The following INCA1 variants were observed in gnomAD, a reference collection of about 807,000 sequenced individuals.
INCA1 encodes protein INCA1.
INCA1 carries 28 observed loss-of-function variants against 25.7 expected under a neutral mutation model. The observed-to-expected ratio is 1.09, with a 90% CI of 0.81 to 1.49. The LOEUF (loss-of-function observed/expected upper bound fraction) is 1.49, where lower values mean the gene tolerates loss of function less well. Ranked by LOEUF, INCA1 falls within the 40% of genes most tolerant of loss-of-function variation. The pLI, the probability that INCA1 is intolerant of heterozygous loss-of-function variation, is 0.00. For missense variants in INCA1, 309 were observed against 290.9 expected (o/e 1.06, Z -0.45); for synonymous variants, 111 against 103.6 (o/e 1.07, Z -0.43).
intron 1 of INCA1, among the ~76,000 whole-genome samples, chr17:4,996,273 A>G (rs1247401598): frequency 6.6e-6 from 1 of 151,496 alleles, no homozygotes; most frequent in African/African-American, 2.4e-5. Context: ...TGTACCCGGA[A>G]GGCTGAGGTG....
exon 7 of INCA1, chr17:4,988,369 G>A (rs922216086): frequency 6.4e-6 from 10 of 1,560,634 alleles, no homozygotes; most frequent in Non-Finnish European, 8.7e-6. Context: ...TGGGTCCCTG[G>A]GGCACCACTA....
intron 2 of INCA1, among the ~76,000 whole-genome samples, chr17:4,993,208 T>C (rs1385477606): frequency 6.6e-6 from 1 of 151,570 alleles, no homozygotes; most frequent in African/African-American, 2.4e-5. Flanking sequence ...AGACGGAGTT[T>C]CACTCTTGTT....
downstream of INCA1, chr17:4,988,199 A>C (rs759111990): frequency 2.0e-6 from 1 of 489,058 alleles, no homozygotes; most frequent in Non-Finnish European, 3.5e-6. Flanking sequence ...GGAGGAAAAC[A>C]GGACTTGGGG....
At chr17:4,989,650 G>C in intron 4 of INCA1, 26 bp from the exon 5 acceptor site, 1 of 1,609,770 alleles carries the variant, frequency 6.2e-7, no homozygotes, top group Non-Finnish European at 8.5e-7. Flanking sequence ...GGGAAAAAGA[G>C]CTAGAAAGAA....
Position 4,988,775 on chromosome 17 carries a change from A to G in INCA1, c.561+4T>C, listed in dbSNP as rs1307264628. On this transcript the variant is annotated splice_donor_region_variant and intron_variant, in intron 6 of 6. Coordinates refer to ENST00000576820, the Ensembl canonical transcript of INCA1. ...CACTCCACCCAGTTCCACTCCAACA[A>G]TACCTGGGCCCTGCCAGGAGTGAGA... is the stretch of plus-strand genomic sequence containing the variant. 1 of 1,614,116 alleles carries G rather than the reference A, an allele frequency of 6.2e-7. No homozygotes were observed. The highest frequency in any genetic ancestry group is 1.1e-5 in the South Asian group (1 of 91,080).
At chr17:4,989,255 T>C (rs1390715026) in intron 5 of INCA1, among the ~76,000 whole-genome samples, 173 bp downstream of exon 5, 4 of 152,144 alleles carry the variant, frequency 2.6e-5, no homozygotes, top group African/African-American at 9.7e-5. Flanking sequence ...CTTCTTTCCA[T>C]ATTACAGAAA....
rs557981172 is a variant in INCA1 at position 4,995,948 on chromosome 17, G to A, written c.-39+1055C>T. 4 of 151,928 alleles carry A rather than the reference G, an allele frequency of 2.6e-5. No individual in the cohort carries two copies. In the South Asian group the frequency reaches 8.3e-4, roughly 32 times the overall value. 9.4% of individuals were successfully genotyped at this position (151,928 alleles called of 1,614,324 possible). On this transcript the variant is annotated intron_variant, in intron 1 of 6. Transcript: ENST00000576820. ...CTCTGTCTCTAACAAAATAAAAAAA[G>A]AAATTAAAAAAAGTTAAGTGTGGAC...
In INCA1 at chr17:4,990,319, C is replaced by T. The variant is rs1973786100; in HGVS notation, c.45-54G>A. On this transcript the variant is annotated intron_variant, in intron 2 of 6. Transcript: ENST00000576820. ...CTGGCTCTTCCCTTACAGCAGTCTA[C>T]TCATCCCAAGGATTCAGGGGCCATC... 1.9e-6 allele frequency: 3 copies of T among 1,557,442 alleles called. No individual in the cohort carries two copies. The Admixed American group carries it at 5.9e-5, about 31-fold the overall frequency.
At chr17:4,995,803 T>G (rs1974202234) in intron 1 of INCA1, 1 of 152,034 alleles carries the variant, frequency 6.6e-6, no homozygotes, top group African/African-American at 2.4e-5. Context: ...TGGTGGCACA[T>G]GCCTGTAATC....
chr17:4,990,191 T>A, exon 3 of INCA1: 1 of 1,614,190 alleles, frequency 6.2e-7, no homozygotes, highest in East Asian at 2.2e-5. Flanking sequence ...GACATCTCCA[T>A]AACGCTGGGG....
rs1974307791 is a variant in INCA1 at position 4,996,710 on chromosome 17, G to C, written c.-39+293C>G. 4.7e-5 allele frequency: 7 copies of C among 150,426 alleles called. No individual in the cohort carries two copies. In the Admixed American group the frequency reaches 4.7e-4, roughly 10 times the overall value. 9.3% of individuals were successfully genotyped at this position (150,426 alleles called of 1,614,324 possible). ...AAAAAAAGAATACTAGATAAGTTAG[G>C]AGAGAGTGCACATAGGCTCCCGAAG... is the stretch of plus-strand genomic sequence containing the variant. On this transcript the variant is annotated intron_variant, in intron 1 of 6. Transcript: ENST00000576820.
In INCA1 at chr17:4,996,574, C is replaced by T. The variant is rs191284920; in HGVS notation, c.-39+429G>A. Among the ~76,000 whole-genome samples the T allele has an allele frequency of 5.1e-3, 691 of 136,734 alleles. 10 individuals carry two copies. Among genetic ancestry groups the T allele is most frequent in the African/African-American group, 0.018 (643 of 36,576 alleles). 89.7% of individuals were successfully genotyped at this position (136,734 alleles called of 152,430 possible). A position where few individuals can be genotyped will look rare whatever the true frequency, so the allele number is the denominator to read the frequency against. On this transcript the variant is annotated intron_variant, in intron 1 of 6. Coordinates refer to ENST00000576820, the Ensembl canonical transcript of INCA1. ...GCAGGCATCTGTAATCCCAGCTATT[C>T]GGGAGGCTGAGGCAGGAGAATCGCT... is the stretch of plus-strand genomic sequence containing the variant.
chr17:4,989,958 T>A, intron 3 of INCA1, 29 bp from the exon 4 acceptor site: 1 of 1,614,072 alleles, frequency 6.2e-7, no homozygotes, highest in Non-Finnish European at 8.5e-7. Flanking sequence ...GGGCTATAAG[T>A]GCAGAGGGGA....
At chr17:4,989,471 A>G in exon 5 of INCA1, 1 of 1,614,158 alleles carries the variant, frequency 6.2e-7, no homozygotes, top group East Asian at 2.2e-5. Flanking sequence ...TCCAGGTGGT[A>G]AGTGACAGCC....
intron 2 of INCA1, among the ~76,000 whole-genome samples, chr17:4,992,591 G>C (rs1973945710): frequency 6.8e-6 from 1 of 146,660 alleles, no homozygotes. Flanking sequence ...GCCTATACTT[G>C]TTTTATTTAT....
intron 2 of INCA1, among the ~76,000 whole-genome samples, chr17:4,993,542 C>T (rs1974018862): frequency 6.6e-6 from 1 of 150,718 alleles, no homozygotes; most frequent in South Asian, 2.1e-4. Context: ...GATCTCGGCT[C>T]ATTGCAAGGT....
intron 1 of INCA1, among the ~76,000 whole-genome samples, chr17:4,994,693 G>A (rs1040829372): frequency 6.6e-6 from 1 of 151,202 alleles, no homozygotes; most frequent in Non-Finnish European, 1.5e-5. Flanking sequence ...AGAAAGCTGA[G>A]GCAGAAGAAT....
Position 4,996,623 on chromosome 17 carries a change from C to T in INCA1, c.-39+380G>A, listed in dbSNP as rs550677985. Among the ~76,000 whole-genome samples, 254 of 131,670 alleles carry T rather than the reference C, an allele frequency of 1.9e-3. 1 individual carries two copies. Among genetic ancestry groups the T allele is most frequent in the Non-Finnish European group, 2.6e-3 (166 of 64,386 alleles). 86.4% of individuals were successfully genotyped at this position (131,670 alleles called of 152,430 possible). On this transcript the variant is annotated intron_variant, in intron 1 of 6. Transcript: ENST00000576820. ...CTTGAACCCAGGAGGCGGAGGTTGCCGTGAGCCGAGGTCAGCCTGGGCAAC... is the reference window on the plus strand; with the variant it reads ...CTTGAACCCAGGAGGCGGAGGTTGCTGTGAGCCGAGGTCAGCCTGGGCAAC...
In INCA1 at chr17:4,989,941, A is replaced by G; in HGVS notation, c.159-12T>C. 6.2e-7 allele frequency: 1 copy of G among 1,614,174 alleles called. No homozygotes were observed. Among genetic ancestry groups the G allele is most frequent in the Non-Finnish European group, 8.5e-7 (1 of 1,180,018 alleles). On this transcript the variant is annotated splice_polypyrimidine_tract_variant and intron_variant, in intron 3 of 6. Coordinates refer to ENST00000576820, the Ensembl canonical transcript of INCA1. The stretch of plus-strand genomic sequence containing the variant: ...CCAGCCAAGTGGGGCTGTGAAGAAC[A>G]AAAAGGGGGCTATAAGTGCAGAGGG...
Sources: allele counts gnomAD v4.1 joint callset (sites outside exome capture counted in the v4.1 genomes callset), GRCh38; gene constraint gnomAD v4.1.1; transcripts MANE v1.5; gene names NCBI Gene and HGNC (gene_info 2026-07-23, HGNC 2026-07-21).